PUF60: variants seen among roughly 807,000 people sequenced by gnomAD.
PUF60 encodes poly(U) binding splicing factor 60, also known as poly(U)-binding-splicing factor PUF60.
PUF60 carries 10 observed loss-of-function variants against 61.8 expected under a neutral mutation model. That is an observed-to-expected ratio of 0.16 (90% CI 0.10 to 0.27). The LOEUF (loss-of-function observed/expected upper bound fraction) is 0.27. PUF60 is among the 10% of genes least tolerant of loss of function. PUF60 has a pLI of 1.00. For missense variants in PUF60, 371 were observed against 754.0 expected (o/e 0.49, Z 5.95); for synonymous variants, 353 against 300.9 (o/e 1.17, Z -1.79).
chr8:143,824,264 G>GGGCGGGCA (rs775054254), intron 2 of PUF60, 49 bp downstream of exon 2: 5 of 1,466,820 alleles, frequency 3.4e-6, no homozygotes, highest in Admixed American at 2.0e-5. Flanking sequence ...GCGGGCGGGC[G>GGGCGGGCA]GGCGGGCAGG....
intron 1 of PUF60, 37 bp from the exon 2 acceptor site, chr8:143,824,436 AC>A: frequency 6.3e-7 from 1 of 1,595,908 alleles, no homozygotes; most frequent in Non-Finnish European, 8.5e-7. Flanking sequence ...CGACAGGCAC[AC>A]CACCCCACCG....
intron 5 of PUF60, chr8:143,820,398 T>C (rs938470191): frequency 1.8e-6 from 1 of 548,386 alleles, no homozygotes; most frequent in South Asian, 2.1e-5. Context: ...TGCTGGCAGC[T>C]ACCCGCCCTG....
chr8:143,825,655 G>GT (rs1817559640), intron 1 of PUF60, among the ~76,000 whole-genome samples: 1 of 152,114 alleles, frequency 6.6e-6, no homozygotes, highest in African/African-American at 2.4e-5. Flanking sequence ...GCTAATTTTT[G>GT]TATTTTTGGT....
rs774008642 is a variant in PUF60, at chr8:143,818,122, G to T, written c.604-47C>A. 1.9e-6 allele frequency: 3 copies of T among 1,602,410 alleles called. No individual in the cohort carries two copies. Among genetic ancestry groups the T allele is most frequent in the East Asian group, 2.2e-5 (1 of 44,568 alleles). ...GGAAAGACCGGTCAACCCAGGCCCGGCCACAAAAGGCTTCCGTGGAGGGGC... is the reference window on the plus strand; with the variant it reads ...GGAAAGACCGGTCAACCCAGGCCCGTCCACAAAAGGCTTCCGTGGAGGGGC... On this transcript the variant is annotated intron_variant, in intron 7 of 11. Coordinates refer to ENST00000526683, the MANE Select transcript of PUF60 (RefSeq NM_078480.3). The surrounding 1 kb of genome is among the most constrained non-coding windows in gnomAD (Gnocchi z 7.9).
chr8:143,829,274 A>G lies in PUF60; in HGVS notation c.24+6T>C. 7.9e-7 allele frequency: 1 copy of G among 1,262,584 alleles called. No individual in the cohort carries two copies. Among genetic ancestry groups the G allele is most frequent in the Admixed American group, 3.8e-5 (1 of 26,366 alleles). The allele number at this position is 1,262,584 out of a possible 1,614,324, so 78.2% of individuals were successfully genotyped here. On this transcript the variant is annotated splice_donor_region_variant and intron_variant, in intron 1 of 11. Transcript: ENST00000526683. ...GCCGCCCGCGCTCATGGGGGGGCTC[A>G]CTTACGAGAGCTATGGTCGCCGTCG...
At chr8:143,819,777 C>A (rs1816805125) in intron 5 of PUF60, among the ~76,000 whole-genome samples, 2 of 152,140 alleles carry the variant, frequency 1.3e-5, no homozygotes, top group South Asian at 4.1e-4. Context: ...GAGACCAGGC[C>A]TGTCCCTCAG....
chr8:143,827,265 C>T (rs1045805169), intron 1 of PUF60: 2 of 416,956 alleles, frequency 4.8e-6, no homozygotes, highest in Non-Finnish European at 9.7e-6. Flanking sequence ...CAGGCTGGGG[C>T]CTACAGAAGA....
intron 1 of PUF60, chr8:143,825,173 C>T (rs1817501998): frequency 6.6e-6 from 1 of 152,336 alleles, no homozygotes; most frequent in Non-Finnish European, 1.5e-5. Context: ...CAACGAGAAG[C>T]AAGGCAGCAT....
At position 143,818,162 on chromosome 8, in the gene PUF60, G is replaced by T; in HGVS notation, c.603+31C>A. The T allele has an allele frequency of 6.2e-7, 1 of 1,602,836 alleles. No homozygotes were observed. On this transcript the variant is annotated intron_variant, in intron 7 of 11. Transcript: ENST00000526683. The surrounding 1 kb of genome is among the most constrained non-coding windows in gnomAD (Gnocchi z 7.9). ...CGTGGAGGGGCAGCCCTGCACGCCT[G>T]CGGGATCGAGGCCTTGGCTCCCTGC...
At chr8:143,822,507 T>C (rs1463752493) in intron 2 of PUF60, 7 of 456,496 alleles carry the variant, frequency 1.5e-5, no homozygotes, top group Non-Finnish European at 3.1e-5. Flanking sequence ...CACAGGCCTC[T>C]CTCGGGCCAC....
chr8:143,823,328 C>G (rs1406528326), intron 2 of PUF60: 1 of 152,948 alleles, frequency 6.5e-6, no homozygotes, highest in African/African-American at 2.4e-5. Flanking sequence ...CCTCACCACC[C>G]TCACAGCTGG....
At chr8:143,828,061 C>T (rs1047578045) in intron 1 of PUF60, among the ~76,000 whole-genome samples, 8 of 152,252 alleles carry the variant, frequency 5.3e-5, no homozygotes, top group Non-Finnish European at 8.8e-5. Flanking sequence ...AGGTCACTTA[C>T]TCCTGTGGCT....
At chr8:143,821,952 A>T (rs1270172709) in intron 2 of PUF60, 39 bp from the exon 3 acceptor site, 1 of 1,503,012 alleles carries the variant, frequency 6.7e-7, no homozygotes, top group East Asian at 2.3e-5. Context: ...CAGCAAGCTC[A>T]AGTTCTCCTT....
Position 143,817,495 on chromosome 8 carries a change from TC to T in PUF60, c.1009-30del. 1.9e-6 allele frequency: 3 copies of T among 1,609,730 alleles called. No individual in the cohort carries two copies. Among genetic ancestry groups the T allele is most frequent in the Non-Finnish European group, 2.5e-6 (3 of 1,179,084 alleles). ...CAACCCAAAAGGTCACCGTGCTCAG[TC>T]CCTGGTCTGGCTACTCAAGACCACC... On this transcript the variant is annotated intron_variant, in intron 9 of 11. Transcript: ENST00000526683. The surrounding 1 kb of genome is among the most constrained non-coding windows in gnomAD (Gnocchi z 7.4).
In PUF60 at chr8:143,816,823, T is replaced by TG; in HGVS notation, c.1381-5dup. 6.2e-7 allele frequency: 1 copy of TG among 1,611,456 alleles called. No homozygotes were observed. Among genetic ancestry groups the TG allele is most frequent in the Admixed American group, 1.7e-5 (1 of 59,988 alleles). ...TGCGCAGAACCATCACTGTAGACTG[T>TG]GGGGCAGGGCCGAGGGGAAGACAGC... On this transcript the variant is annotated splice_polypyrimidine_tract_variant and splice_region_variant and intron_variant, in intron 11 of 11. Coordinates refer to ENST00000526683, the MANE Select transcript of PUF60 (RefSeq NM_078480.3).
At position 143,818,591 on chromosome 8, in the gene PUF60, G is replaced by C; in HGVS notation, c.349-57C>G. On this transcript the variant is annotated intron_variant, in intron 5 of 11. Transcript: ENST00000526683. This position sits in a 1 kb window ranked among gnomAD's most constrained non-coding sequence, Gnocchi z 7.9. ...GCTCGTCAGGGGCGGCAGGAAGCTGGGCAGCCCACTCCCCTCCTGGCCCAC... is the reference window on the plus strand; with the variant it reads ...GCTCGTCAGGGGCGGCAGGAAGCTGCGCAGCCCACTCCCCTCCTGGCCCAC... The C allele has an allele frequency of 6.7e-7, 1 of 1,495,838 alleles. No homozygotes were observed. Among genetic ancestry groups the C allele is most frequent in the Middle Eastern group, 2.3e-4 (1 of 4,346 alleles). 92.7% of individuals were successfully genotyped at this position (1,495,838 alleles called of 1,614,324 possible).
Position 143,821,610 on chromosome 8 carries a change from AGCT to A in PUF60, c.281_283del (p.Gln94del), listed in dbSNP as rs1319608219. The A allele has an allele frequency of 3.2e-6, 5 of 1,543,450 alleles. No individual in the cohort carries two copies. ...GCCGGGGCTCACCTGCAGGTTGGTG[AGCT>A]GCTGCTGCTGGTGCGCGATGGTCTG... On this transcript the variant is annotated inframe_deletion, in exon 4 of 12. Transcript: ENST00000526683.
At chr8:143,824,796 A>C in intron 1 of PUF60, 1 of 238,162 alleles carries the variant, frequency 4.2e-6, no homozygotes, top group Non-Finnish European at 8.4e-6. Context: ...ACCTGTACAC[A>C]CCTTGGCCAG....
At position 143,816,513 on chromosome 8, in the gene PUF60, A is replaced by C. The variant is rs376287916; in HGVS notation, c.*7T>G. 8.1e-6 allele frequency: 13 copies of C among 1,600,934 alleles called. No homozygotes were observed. Among genetic ancestry groups the C allele is most frequent in the Non-Finnish European group, 9.4e-6 (11 of 1,172,836 alleles). ...AACAAGTGCAAGTCCGGGGAGAGGG[A>C]CCACTGTCACGCAGAGAGGTCACTG... On this transcript the variant is annotated 3_prime_UTR_variant, in exon 12 of 12. Transcript: ENST00000526683.
Sources: gnomAD v4.1 joint callset for allele counts (sites outside exome capture counted in the v4.1 genomes callset) on GRCh38, gnomAD v4.1.1 for gene constraint, Gnocchi (gnomAD v3.1) non-coding constraint, MANE v1.5 for transcripts, NCBI Gene and HGNC (gene_info 2026-07-23, HGNC 2026-07-21) for gene names.